ROBO2: variants seen among roughly 807,000 people sequenced by gnomAD.
ROBO2 encodes roundabout homolog 2.
In ROBO2, 53 loss-of-function variants were observed where a neutral mutation model predicts 160.8. That is an observed-to-expected ratio of 0.33 (90% CI 0.26 to 0.41). ROBO2 has a LOEUF of 0.41. ROBO2 is among the 10% of genes least tolerant of loss of function. ROBO2 has a pLI of 1.00. For missense variants in ROBO2, 1,577 were observed against 1,722.4 expected, an observed-to-expected ratio of 0.92 and a Z score of 1.49; for synonymous variants, 664 against 611.7, an observed-to-expected ratio of 1.09 and a Z score of -1.26.
rs139132336 is a variant in ROBO2 at position 76,237,198 on chromosome 3, G to A, written c.109+299596G>A. Among the ~76,000 whole-genome samples the A allele has an allele frequency of 3.5e-3, 538 of 152,140 alleles. 7 individuals carry two copies. Among genetic ancestry groups the A allele is most frequent in the Admixed American group, 0.025 (377 of 15,276 alleles). On this transcript the variant is annotated intron_variant, in intron 2 of 26. Transcript: ENST00000487694. The stretch of plus-strand genomic sequence containing the variant: ...ATGAAATTTTCCATACTCAAACAAT[G>A]TAAAACTAAAAGATACCTAAATCTT...
At chr3:76,804,418 A>T (rs2064505222) in intron 2 of ROBO2, among the ~76,000 whole-genome samples, 2 of 152,202 alleles carry the variant, frequency 1.3e-5, no homozygotes, top group South Asian at 4.1e-4. Context: ...CGGTTTTCTA[A>T]CAAGGATAGG....
At chr3:76,609,386 C>T (rs2087907086) in intron 2 of ROBO2, among the ~76,000 whole-genome samples, 1 of 151,948 alleles carries the variant, frequency 6.6e-6, no homozygotes, top group African/African-American at 2.4e-5. Context: ...TTTTTCCCTT[C>T]AATTTCTTTC....
At position 77,482,642 on chromosome 3, in the gene ROBO2, G is replaced by A. The variant is rs2084844014; in HGVS notation, c.667+1423G>A. ...TGCATGTAAATTTCTATCCTGCAGA[G>A]CTCAGACAAGTGTCAGTTTGCCCCT... On this transcript the variant is annotated intron_variant, in intron 4 of 25. Transcript: ENST00000461745. 2.6e-5 allele frequency among the ~76,000 whole-genome samples: 4 copies of A among 152,150 alleles called. No homozygotes were observed. In the South Asian group the frequency reaches 8.3e-4, roughly 32 times the overall value.
At chr3:76,776,659 T>C (rs1456072353) in intron 2 of ROBO2, among the ~76,000 whole-genome samples, 1 of 150,834 alleles carries the variant, frequency 6.6e-6, no homozygotes, top group Admixed American at 6.6e-5. Flanking sequence ...GAAAACACAG[T>C]AAATATTGTT....
chr3:75,914,061 C>G (rs1253334880), intron 1 of ROBO2, among the ~76,000 whole-genome samples: 1 of 152,084 alleles, frequency 6.6e-6, no homozygotes, highest in East Asian at 1.9e-4. Flanking sequence ...ATGCCCTGTT[C>G]AAATTAATTT....
At chr3:77,298,465 T>C (rs1406434328) in intron 2 of ROBO2, among the ~76,000 whole-genome samples, 1 of 152,044 alleles carries the variant, frequency 6.6e-6, no homozygotes, top group Non-Finnish European at 1.5e-5. Context: ...ATGCCTAGAG[T>C]CCAGACTCTC....
At chr3:76,623,465 G>A (rs996958094) in intron 2 of ROBO2, among the ~76,000 whole-genome samples, 3 of 152,102 alleles carry the variant, frequency 2.0e-5, no homozygotes, top group African/African-American at 7.2e-5. Flanking sequence ...CATGCTTTAT[G>A]TGCTAATACA....
At chr3:77,349,038 T>C (rs2068006044) in intron 2 of ROBO2, among the ~76,000 whole-genome samples, 2 of 152,188 alleles carry the variant, frequency 1.3e-5, no homozygotes, top group Non-Finnish European at 2.9e-5. Flanking sequence ...GCCTTGCTTC[T>C]TCTTCTCACT....
intron 2 of ROBO2, among the ~76,000 whole-genome samples, chr3:77,457,711 C>A (rs895476587): frequency 1.3e-5 from 2 of 152,164 alleles, no homozygotes; most frequent in Admixed American, 6.5e-5. Flanking sequence ...TAATATGAAG[C>A]AAAGTGTCAC....
chr3:76,239,451 T>G (rs1025078536), intron 2 of ROBO2, among the ~76,000 whole-genome samples: 2 of 152,070 alleles, frequency 1.3e-5, no homozygotes, highest in African/African-American at 4.8e-5. Context: ...TAAGAGAAGT[T>G]GCCTTGATGA....
chr3:77,572,885 C>A (rs1181081835), intron 13 of ROBO2, among the ~76,000 whole-genome samples: 1 of 151,990 alleles, frequency 6.6e-6, no homozygotes, highest in African/African-American at 2.4e-5. Flanking sequence ...TGTTTATAAA[C>A]TGCCGACAAA....
intron 2 of ROBO2, among the ~76,000 whole-genome samples, chr3:77,272,178 T>C (rs1190638460): frequency 6.6e-6 from 1 of 152,224 alleles, no homozygotes; most frequent in African/African-American, 2.4e-5. Context: ...TAGTTTAAGA[T>C]ACTCTTTGAA....
chr3:76,609,070 G>T (rs1474692218), intron 2 of ROBO2, among the ~76,000 whole-genome samples: 1 of 152,110 alleles, frequency 6.6e-6, no homozygotes, highest in Non-Finnish European at 1.5e-5. Flanking sequence ...TTAGATAAAT[G>T]GCCTCCAGCT....
rs971161435 is a variant in ROBO2, at chr3:76,008,481, GA to G, written c.109+70886del. 5.9e-5 allele frequency among the ~76,000 whole-genome samples: 9 copies of G among 152,000 alleles called. No individual in the cohort carries two copies. The East Asian group carries it at 1.7e-3, about 29-fold the overall frequency. The stretch of plus-strand genomic sequence containing the variant: ...GTAACTACAATACCACATTTAAAAT[GA>G]AAAAAAGAAAATCAGACTTTTATGA... On this transcript the variant is annotated intron_variant, in intron 2 of 26. Coordinates refer to the ROBO2 transcript ENST00000487694.
rs1432563438 is a variant in ROBO2, at chr3:77,515,677, G to A, written c.807-7098G>A. 3.3e-5 allele frequency among the ~76,000 whole-genome samples: 5 copies of A among 151,548 alleles called. No homozygotes were observed. The South Asian group carries it at 6.2e-4, about 19-fold the overall frequency. ...CCTGCTTACTTTAATTTCCTTATAT[G>A]GATTCATACATCAGGATTTTTAAAA... is the stretch of plus-strand genomic sequence containing the variant. On this transcript the variant is annotated intron_variant, in intron 5 of 25. Transcript: ENST00000461745.
At chr3:76,464,624 CAAT>C (rs1009787280) in intron 2 of ROBO2, among the ~76,000 whole-genome samples, 1 of 151,474 alleles carries the variant, frequency 6.6e-6, no homozygotes, top group Non-Finnish European at 1.5e-5. Flanking sequence ...TTTAAAATAA[CAAT>C]AATATAAACT....
At chr3:76,734,603 G>T (rs1378418809) in intron 2 of ROBO2, among the ~76,000 whole-genome samples, 1 of 152,084 alleles carries the variant, frequency 6.6e-6, no homozygotes, top group Admixed American at 6.6e-5. Flanking sequence ...GGGTTAGACC[G>T]CCTTGGCTCA....
intron 2 of ROBO2, among the ~76,000 whole-genome samples, chr3:76,481,662 C>T (rs187339026): frequency 6.6e-6 from 1 of 152,212 alleles, no homozygotes; most frequent in African/African-American, 2.4e-5. Context: ...TACCCCAGTC[C>T]TTTTAAACCA....
chr3:76,533,295 T>C (rs1171332079), intron 2 of ROBO2, among the ~76,000 whole-genome samples: 7 of 152,244 alleles, frequency 4.6e-5, no homozygotes, highest in Non-Finnish European at 1.0e-4. Flanking sequence ...TTTCTTCCTT[T>C]TTATTTCTGT....
Sources: allele counts gnomAD v4.1 joint callset (sites outside exome capture counted in the v4.1 genomes callset), GRCh38; gene constraint gnomAD v4.1.1; transcripts MANE v1.5; gene names NCBI Gene and HGNC (gene_info 2026-07-23, HGNC 2026-07-21).